ADGRV1: variants seen among roughly 807,000 people sequenced by gnomAD.
ADGRV1 encodes adhesion G protein-coupled receptor V1.
In ADGRV1, 359 loss-of-function variants were observed where a neutral mutation model predicts 596.2. The observed-to-expected ratio is 0.60, with a 90% CI of 0.55 to 0.66. ADGRV1 has a LOEUF of 0.66. Ranked by LOEUF, ADGRV1 falls within the 30% of genes least tolerant of loss-of-function variation. The pLI is 0.00. For missense variants in ADGRV1, 7,274 were observed against 7,575.6 expected (o/e 0.96, Z 1.48); for synonymous variants, 2,681 against 2,679.2 (o/e 1.00, Z -0.02).
At chr5:90,989,316 A>G (rs1162054893) in intron 85 of ADGRV1, among the ~76,000 whole-genome samples, 1 of 152,184 alleles carries the variant, frequency 6.6e-6, no homozygotes, top group Non-Finnish European at 1.5e-5. Context: ...TTTAAAATTG[A>G]TATCCTAAAA....
At chr5:91,054,102 T>TGTGTGTGTGTGA (rs1299621929) in intron 85 of ADGRV1, among the ~76,000 whole-genome samples, 15 of 126,738 alleles carry the variant, frequency 1.2e-4, no homozygotes, top group African/African-American at 4.7e-4. Flanking sequence ...TGTGTGTGTG[T>TGTGTGTGTGTGA]GAGAGAGAGA....
At chr5:91,014,136 C>CCCCCCACACACACACACACACA (rs757029909) in intron 85 of ADGRV1, among the ~76,000 whole-genome samples, 1 of 35,638 alleles carries the variant, frequency 2.8e-5, no homozygotes. Context: ...TTCACAATTG[C>CCCCCCACACACACACACACACA]CACACACACA....
At chr5:90,754,182 A>G (rs767412947) in intron 54 of ADGRV1, among the ~76,000 whole-genome samples, 34 of 152,178 alleles carry the variant, frequency 2.2e-4, no homozygotes, top group Non-Finnish European at 3.5e-4. Context: ...CTAGTTACAG[A>G]GAACAATGAG....
chr5:90,983,159 A>T (rs1264251582), intron 84 of ADGRV1, among the ~76,000 whole-genome samples: 1 of 152,210 alleles, frequency 6.6e-6, no homozygotes, highest in Non-Finnish European at 1.5e-5. Context: ...AAAGCTTATG[A>T]CATTTGAAGC....
At chr5:90,765,970 C>T (rs527258488) in intron 59 of ADGRV1, among the ~76,000 whole-genome samples, 15 of 151,742 alleles carry the variant, frequency 9.9e-5, no homozygotes, top group South Asian at 6.3e-4. Flanking sequence ...AGTGCAGTGG[C>T]GCGATCTCTG....
chr5:90,706,213 TG>T lies in ADGRV1; in HGVS notation c.8567-17del, dbSNP rs1748571415. The T allele has an allele frequency of 3.8e-6, 6 of 1,583,336 alleles. No individual in the cohort carries two copies. The highest frequency in any genetic ancestry group is 5.1e-6 in the Non-Finnish European group (6 of 1,169,866). On this transcript the variant is annotated splice_polypyrimidine_tract_variant and intron_variant, in intron 37 of 89. Transcript: ENST00000405460. ...CATTTAGATAATTATAAAACATTTTTGCAACCTATTCAATTAGGAGCTATCA... is the reference window on the plus strand; with the variant it reads ...CATTTAGATAATTATAAAACATTTTTCAACCTATTCAATTAGGAGCTATCA...
intron 85 of ADGRV1, among the ~76,000 whole-genome samples, chr5:91,030,338 A>C (rs916966153): frequency 1.3e-5 from 2 of 152,082 alleles, no homozygotes; most frequent in Non-Finnish European, 2.9e-5. Context: ...ATTCTTTCTC[A>C]TATGTTTTTG....
chr5:91,075,945 T>C (rs576445575), intron 86 of ADGRV1, among the ~76,000 whole-genome samples: 1 of 152,302 alleles, frequency 6.6e-6, no homozygotes, highest in African/African-American at 2.4e-5. Context: ...TTTCCTGATA[T>C]TGCCATCTTT....
chr5:90,891,264 G>T, intron 83 of ADGRV1, among the ~76,000 whole-genome samples: 1 of 150,348 alleles, frequency 6.7e-6, no homozygotes, highest in East Asian at 1.9e-4. Context: ...CACTCTTTGT[G>T]TGTGTGTTGG....
intron 85 of ADGRV1, among the ~76,000 whole-genome samples, chr5:91,052,384 A>ATAGCAC (rs1162552632): frequency 6.6e-6 from 1 of 151,230 alleles, no homozygotes; most frequent in Non-Finnish European, 1.5e-5. Context: ...TGTTTTGTTA[A>ATAGCAC]TAGCACTGTT....
At chr5:90,644,899 CTTG>C (rs1767514907) in intron 15 of ADGRV1, 30 bp downstream of exon 15, 1 of 1,439,794 alleles carries the variant, frequency 6.9e-7, no homozygotes, top group Non-Finnish European at 9.4e-7. Flanking sequence ...TTCTGCCTTA[CTTG>C]TTGTAGTTGA....
chr5:90,613,329 G>A (rs964109920), intron 1 of ADGRV1, among the ~76,000 whole-genome samples: 2 of 152,022 alleles, frequency 1.3e-5, no homozygotes, highest in African/African-American at 4.8e-5. Context: ...TTTGTCCTAA[G>A]TGGGATGTGA....
chr5:90,636,222 C>G (rs1766191761), intron 10 of ADGRV1, among the ~76,000 whole-genome samples: 1 of 144,264 alleles, frequency 6.9e-6, no homozygotes, highest in African/African-American at 2.5e-5. Context: ...TTCAGCCTTA[C>G]CATTTCCTGA....
chr5:90,830,092 A>G (rs534403042), intron 77 of ADGRV1, among the ~76,000 whole-genome samples: 1 of 152,142 alleles, frequency 6.6e-6, no homozygotes, highest in Non-Finnish European at 1.5e-5. Flanking sequence ...CATTCTGTGC[A>G]TAAAACAGAA....
In ADGRV1 at chr5:90,974,002, C is replaced by A. The variant is rs190190521; in HGVS notation, c.17973+8471C>A. Among the ~76,000 whole-genome samples, 319 of 152,316 alleles carry A rather than the reference C, an allele frequency of 2.1e-3. 1 individual carries two copies. Among genetic ancestry groups the A allele is most frequent in the African/African-American group, 7.1e-3 (296 of 41,564 alleles). On this transcript the variant is annotated intron_variant, in intron 84 of 89. Coordinates refer to ENST00000405460, the MANE Select transcript of ADGRV1 (RefSeq NM_032119.4). Reference sequence around the variant, plus strand: ...AGCTGATAAGCAACTTCAGCAAAGTCTCAGGATAGAAAATCAGTGTGCAAA... The same window carrying A: ...AGCTGATAAGCAACTTCAGCAAAGTATCAGGATAGAAAATCAGTGTGCAAA...
At chr5:91,086,460 G>A in intron 86 of ADGRV1, among the ~76,000 whole-genome samples, 1 of 152,016 alleles carries the variant, frequency 6.6e-6, no homozygotes, top group Non-Finnish European at 1.5e-5. Context: ...AAAAGCTAGG[G>A]TAATTTCTTT....
At position 90,781,592 on chromosome 5, in the gene ADGRV1, G is replaced by C. The variant is rs1561717726; in HGVS notation, c.13231+14G>C. On this transcript the variant is annotated intron_variant, in intron 65 of 89. Coordinates refer to ENST00000405460, the MANE Select transcript of ADGRV1 (RefSeq NM_032119.4). ...CTGCCTTCGAAGGTAGGTTCAGTCA[G>C]CTAGCTTGTAAGTAAGTTTACTACC... 6.3e-7 allele frequency: 1 copy of C among 1,586,088 alleles called. No homozygotes were observed. Among genetic ancestry groups the C allele is most frequent in the Admixed American group, 1.8e-5 (1 of 56,348 alleles).
intron 41 of ADGRV1, among the ~76,000 whole-genome samples, 194 bp from the exon 42 acceptor site, chr5:90,712,093 T>G (rs1372793996): frequency 6.6e-6 from 1 of 152,138 alleles, no homozygotes; most frequent in African/African-American, 2.4e-5. Flanking sequence ...CAGCCCCCTC[T>G]TAATTTTTAC....
At chr5:90,621,893 G>A (rs569580924) in intron 4 of ADGRV1, among the ~76,000 whole-genome samples, 1 of 152,140 alleles carries the variant, frequency 6.6e-6, no homozygotes, top group Non-Finnish European at 1.5e-5. Flanking sequence ...ACTAGGATAA[G>A]CACTTGATGT....
Sources: gnomAD v4.1 joint callset for allele counts (sites outside exome capture counted in the v4.1 genomes callset) on GRCh38, gnomAD v4.1.1 for gene constraint, MANE v1.5 for transcripts, NCBI Gene and HGNC (gene_info 2026-07-23, HGNC 2026-07-21) for gene names.